The following DEFB106A variants were observed in gnomAD, a reference collection of about 807,000 sequenced individuals.
DEFB106A encodes the protein defensin beta 106A.
For synonymous variants in DEFB106A, 1 was observed against 22.5 expected (o/e 0.04, Z 2.70); for missense variants, 4 against 63.7 (o/e 0.06, Z 3.19).
In DEFB106A at chr8:7,827,907, A is replaced by T. The variant is rs1160204966; in HGVS notation, c.50-898A>T. Among the ~76,000 whole-genome samples, 8 of 140,368 alleles carry T rather than the reference A, an allele frequency of 5.7e-5. 1 individual carries two copies. The highest frequency in any genetic ancestry group is 2.0e-4 in the African/African-American group (8 of 39,176). The allele number at this position is 140,368 out of a possible 152,430, so 92.1% of individuals were successfully genotyped here. A position where few individuals can be genotyped will look rare whatever the true frequency, so the allele number is the denominator to read the frequency against. ...GTGGAGTATTTTCACTTATGAACTG[A>T]TGTGCTGATCCTGGATAATCATTAG... is the stretch of plus-strand genomic sequence containing the variant. On this transcript the variant is annotated intron_variant, in intron 1 of 1. Coordinates refer to ENST00000335186, the MANE Select transcript of DEFB106A (RefSeq NM_152251.4).
Position 7,827,125 on chromosome 8 carries a change from T to A in DEFB106A, c.50-1680T>A, listed in dbSNP as rs1234600453. 1.7e-5 allele frequency among the ~76,000 whole-genome samples: 2 copies of A among 115,056 alleles called. 1 individual carries two copies. Among genetic ancestry groups the A allele is most frequent in the Non-Finnish European group, 3.8e-5 (2 of 52,536 alleles). The allele number at this position is 115,056 out of a possible 152,430, so 75.5% of individuals were successfully genotyped here. A position where few individuals can be genotyped will look rare whatever the true frequency, so the allele number is the denominator to read the frequency against. ...TAGTATACATACTAGTATAATACTC[T>A]AGTATATAGTATAGTGTATATACTA... is the stretch of plus-strand genomic sequence containing the variant. On this transcript the variant is annotated intron_variant, in intron 1 of 1. Transcript: ENST00000335186.
chr8:7,828,019 A>G (rs1178196576), intron 1 of DEFB106A, among the ~76,000 whole-genome samples: 1 of 137,668 alleles, frequency 7.3e-6, no homozygotes, highest in African/African-American at 2.6e-5. Context: ...AAATGTATAT[A>G]CATTATAGTA....
intron 1 of DEFB106A, among the ~76,000 whole-genome samples, chr8:7,827,310 A>G (rs1474152812): frequency 8.3e-6 from 1 of 120,634 alleles, no homozygotes; most frequent in Non-Finnish European, 1.7e-5. Context: ...ATAATACACT[A>G]GTATATAGTA....
intron 1 of DEFB106A, among the ~76,000 whole-genome samples, chr8:7,826,388 ATAAT>A (rs1459764636): frequency 1.0e-4 from 15 of 149,948 alleles, no homozygotes; most frequent in Middle Eastern, 3.6e-3. Flanking sequence ...TTATAAAAGT[ATAAT>A]TAGTTACTAT....
intron 1 of DEFB106A, among the ~76,000 whole-genome samples, chr8:7,827,301 TA>T (rs1339960340): frequency 3.7e-5 from 4 of 107,946 alleles, no homozygotes; most frequent in African/African-American, 1.2e-4. Context: ...TATACTAGTA[TA>T]ATACACTAGT....
rs1203146561 is a variant in DEFB106A, at chr8:7,827,727, G to T, written c.50-1078G>T. Among the ~76,000 whole-genome samples the T allele has an allele frequency of 6.6e-4, 87 of 131,830 alleles. 1 individual carries two copies. Among genetic ancestry groups the T allele is most frequent in the Admixed American group, 2.6e-3 (33 of 12,672 alleles). The allele number at this position is 131,830 out of a possible 152,430, so 86.5% of individuals were successfully genotyped here. ...CTAGTATTTTTATAGTATATACTAAGCTATACTATGATACTATACTAAACC... is the reference window on the plus strand; with the variant it reads ...CTAGTATTTTTATAGTATATACTAATCTATACTATGATACTATACTAAACC... On this transcript the variant is annotated intron_variant, in intron 1 of 1. Transcript: ENST00000335186.
At chr8:7,826,927 C>A (rs1160709583) in intron 1 of DEFB106A, among the ~76,000 whole-genome samples, 1 of 121,942 alleles carries the variant, frequency 8.2e-6, no homozygotes, top group Middle Eastern at 4.3e-3. Context: ...CTCAGCCTCC[C>A]AAAGTGCTGG....
intron 1 of DEFB106A, among the ~76,000 whole-genome samples, chr8:7,826,532 T>C (rs552498395): frequency 3.6e-4 from 53 of 149,142 alleles, no homozygotes; most frequent in Admixed American, 9.4e-4. Flanking sequence ...TTAGAGAAAA[T>C]CTTTTTGGTT....
At chr8:7,826,453 T>C (rs1288616095) in intron 1 of DEFB106A, among the ~76,000 whole-genome samples, 1 of 148,466 alleles carries the variant, frequency 6.7e-6, no homozygotes, top group Non-Finnish European at 1.5e-5. Flanking sequence ...ATGCTTGTTA[T>C]ATAATTATTA....
intron 1 of DEFB106A, among the ~76,000 whole-genome samples, chr8:7,827,788 T>C (rs1336558675): frequency 8.5e-5 from 12 of 141,526 alleles, no homozygotes; most frequent in African/African-American, 2.2e-4. Flanking sequence ...CTATAGTCTA[T>C]AGTATAGTAT....
rs1170391743 is a variant in DEFB106A at position 7,826,519 on chromosome 8, G to A, written c.49+1294G>A. On this transcript the variant is annotated intron_variant, in intron 1 of 1. Coordinates refer to ENST00000335186, the MANE Select transcript of DEFB106A (RefSeq NM_152251.4). ...TAGAGTATAATACTATAATACAATA[G>A]TATTAGAGAAAATCTTTTTGGTTTA... 3.6e-4 allele frequency among the ~76,000 whole-genome samples: 53 copies of A among 148,954 alleles called. No homozygotes were observed. The South Asian group carries it at 0.011, about 31-fold the overall frequency.
chr8:7,827,155 A>G (rs201304810), intron 1 of DEFB106A, among the ~76,000 whole-genome samples: 26,474 of 72,700 alleles, frequency 0.36, 1,095 homozygotes, highest in South Asian at 0.41. Flanking sequence ...ATACTAGTAT[A>G]ATACACAAGT....
At position 7,827,845 on chromosome 8, in the gene DEFB106A, T is replaced by TG. The variant is rs534761041; in HGVS notation, c.50-959dup. Reference sequence around the variant, plus strand: ...GTAGGGCAGAGAGAACATAGACCCCTGCCAGTGAGAGCCAGAGTTCATCGA... The same window carrying TG: ...GTAGGGCAGAGAGAACATAGACCCCTGGCCAGTGAGAGCCAGAGTTCATCGA... On this transcript the variant is annotated intron_variant, in intron 1 of 1. Transcript: ENST00000335186. Among the ~76,000 whole-genome samples, 58 of 141,530 alleles carry TG rather than the reference T, an allele frequency of 4.1e-4. No homozygotes were observed. The East Asian group carries it at 0.011, about 28-fold the overall frequency. The allele number at this position is 141,530 out of a possible 152,430, so 92.8% of individuals were successfully genotyped here.
At chr8:7,827,738 A>T (rs1462324533) in intron 1 of DEFB106A, among the ~76,000 whole-genome samples, 1 of 138,390 alleles carries the variant, frequency 7.2e-6, no homozygotes, top group African/African-American at 2.5e-5. Flanking sequence ...CTATACTATG[A>T]TACTATACTA....
At chr8:7,828,172 GC>G (rs1386428333) in intron 1 of DEFB106A, among the ~76,000 whole-genome samples, 12 of 149,466 alleles carry the variant, frequency 8.0e-5, no homozygotes, top group Admixed American at 4.7e-4. Flanking sequence ...TACTGATAAA[GC>G]CCTAAGGTGG....
At chr8:7,827,816 T>A (rs1213480140) in intron 1 of DEFB106A, among the ~76,000 whole-genome samples, 1 of 141,526 alleles carries the variant, frequency 7.1e-6, no homozygotes, top group African/African-American at 2.5e-5. Context: ...GTATCTGCCT[T>A]ACAGTAGGGC....
intron 1 of DEFB106A, among the ~76,000 whole-genome samples, chr8:7,827,720 A>C (rs59963064): frequency 0.52 from 67,052 of 129,826 alleles, 14,417 homozygotes; most frequent in Non-Finnish European, 0.56. Flanking sequence ...TTTATAGTAT[A>C]TACTAAGCTA....
At chr8:7,826,478 T>C (rs1265172304) in intron 1 of DEFB106A, among the ~76,000 whole-genome samples, 4 of 148,964 alleles carry the variant, frequency 2.7e-5, no homozygotes, top group African/African-American at 9.8e-5. Context: ...ATCTAATAAT[T>C]ACCTATTAGA....
chr8:7,827,679 T>G (rs1817456431), intron 1 of DEFB106A, among the ~76,000 whole-genome samples: 1 of 133,532 alleles, frequency 7.5e-6, no homozygotes, highest in Non-Finnish European at 1.7e-5. Flanking sequence ...GTATACACTA[T>G]TATACCAGTA....
Sources: allele counts gnomAD v4.1 joint callset (sites outside exome capture counted in the v4.1 genomes callset), GRCh38; gene constraint gnomAD v4.1.1; transcripts MANE v1.5; gene names NCBI Gene and HGNC (gene_info 2026-07-23, HGNC 2026-07-21).